The following KAZN variants were observed in gnomAD, a reference collection of about 807,000 sequenced individuals.
KAZN encodes kazrin, periplakin interacting protein.
A neutral mutation model predicts 87.4 loss-of-function variants in KAZN; 40 were observed. The observed-to-expected ratio is 0.46, with a 90% confidence interval of 0.36 to 0.60. The LOEUF (loss-of-function observed/expected upper bound fraction) is 0.60. Ranked by LOEUF, KAZN falls within the 20% of genes least tolerant of loss-of-function variation. KAZN has a pLI of 0.00. For synonymous variants in KAZN, 466 were observed against 458.3 expected (o/e 1.02, Z -0.22); for missense variants, 898 against 1,073.9 (o/e 0.84, Z 2.29).
At chr1:13,967,316 A>C (rs1641981291) in intron 1 of KAZN, among the ~76,000 whole-genome samples, 1 of 152,184 alleles carries the variant, frequency 6.6e-6, no homozygotes, top group Non-Finnish European at 1.5e-5. Flanking sequence ...CCTACCCTGC[A>C]AGGAATGCAA....
chr1:14,114,871 T>C (rs1382946749), intron 1 of KAZN, among the ~76,000 whole-genome samples: 1 of 152,212 alleles, frequency 6.6e-6, no homozygotes, highest in Non-Finnish European at 1.5e-5. Flanking sequence ...CATTTATAAA[T>C]GACACAACTA....
chr1:14,142,565 A>G (rs1469888444), intron 1 of KAZN, among the ~76,000 whole-genome samples: 1 of 152,232 alleles, frequency 6.6e-6, no homozygotes, highest in Non-Finnish European at 1.5e-5. Flanking sequence ...AGATTTGTAC[A>G]TTCCTCGTAT....
intron 8 of KAZN, 41 bp downstream of exon 8, chr1:15,065,794 G>A (rs1200054255): frequency 3.1e-6 from 5 of 1,607,046 alleles, no homozygotes; most frequent in Non-Finnish European, 4.3e-6. Context: ...ACGCGGACTG[G>A]TGATACGCGC....
At chr1:14,123,171 A>G (rs916548375) in intron 1 of KAZN, among the ~76,000 whole-genome samples, 1 of 152,090 alleles carries the variant, frequency 6.6e-6, no homozygotes, top group African/African-American at 2.4e-5. Context: ...TTGTGTTTCC[A>G]TTGCCATTTT....
intron 2 of KAZN, among the ~76,000 whole-genome samples, chr1:14,436,904 A>C (rs1273757643): frequency 6.6e-6 from 1 of 152,090 alleles, no homozygotes; most frequent in African/African-American, 2.4e-5. Flanking sequence ...TCTTCTCAAG[A>C]TACTTTGCAT....
intron 2 of KAZN, among the ~76,000 whole-genome samples, chr1:14,338,009 A>C (rs1657397756): frequency 6.6e-6 from 1 of 152,052 alleles, no homozygotes; most frequent in African/African-American, 2.4e-5. Context: ...TTGCTCATAG[A>C]AGGTAATTTT....
chr1:14,062,998 G>A (rs1453763344), intron 1 of KAZN, among the ~76,000 whole-genome samples: 1 of 152,158 alleles, frequency 6.6e-6, no homozygotes, highest in Non-Finnish European at 1.5e-5. Flanking sequence ...AACATGTTTT[G>A]TTAAGCAAAT....
intron 1 of KAZN, among the ~76,000 whole-genome samples, chr1:14,804,629 T>C: frequency 6.6e-6 from 1 of 152,192 alleles, no homozygotes; most frequent in East Asian, 1.9e-4. Context: ...TACCCAATCC[T>C]CAGCTTTGCA....
rs35290614 is a variant in KAZN, at chr1:14,197,387, T to TAAA, written c.249+16812_249+16814dup. Among the ~76,000 whole-genome samples the TAAA allele has an allele frequency of 3.9e-3, 399 of 102,262 alleles. 4 individuals are homozygous for TAAA. The highest frequency in any genetic ancestry group is 0.013 in the African/African-American group (364 of 28,626). The allele number at this position is 102,262 out of a possible 152,430, so 67.1% of individuals were successfully genotyped here. On this transcript the variant is annotated intron_variant, in intron 2 of 16. Transcript: ENST00000636203. ...TTTAAATTAAAAAAAAAGTAAATGT[T>TAAA]AAAAAAAAAAAAAAAAAAAGGCCAG...
chr1:14,631,657 G>A (rs1216313967), intron 1 of KAZN, among the ~76,000 whole-genome samples: 1 of 152,262 alleles, frequency 6.6e-6, no homozygotes, highest in Non-Finnish European at 1.5e-5. Flanking sequence ...GCACGTTGCA[G>A]CTTCTCGCAT....
At chr1:14,138,697 A>G (rs184161903) in intron 1 of KAZN, among the ~76,000 whole-genome samples, 8 of 152,282 alleles carry the variant, frequency 5.3e-5, no homozygotes, top group Admixed American at 5.2e-4. Flanking sequence ...TAGCTCCCCC[A>G]TCGCACCATC....
At chr1:14,690,296 AC>A (rs2148782481) in intron 1 of KAZN, among the ~76,000 whole-genome samples, 1 of 152,340 alleles carries the variant, frequency 6.6e-6, no homozygotes, top group South Asian at 2.1e-4. Context: ...ATCCCACATA[AC>A]AGTGAACCTG....
chr1:14,964,768 C>G (rs540108195), intron 2 of KAZN, among the ~76,000 whole-genome samples: 1 of 152,214 alleles, frequency 6.6e-6, no homozygotes, highest in Non-Finnish European at 1.5e-5. Flanking sequence ...CTCCAACTAA[C>G]TGCCCCACCG....
chr1:14,910,119 A>G (rs1657089166), intron 1 of KAZN, among the ~76,000 whole-genome samples: 1 of 151,302 alleles, frequency 6.6e-6, no homozygotes, highest in South Asian at 2.1e-4. Context: ...ATTACAACCA[A>G]TTAGCCCCTG....
chr1:14,985,531 AAAAT>A (rs1000029872), intron 2 of KAZN, among the ~76,000 whole-genome samples: 4 of 151,970 alleles, frequency 2.6e-5, no homozygotes, highest in East Asian at 1.9e-4. Context: ...CCCTGCCTCA[AAAAT>A]AAATAAATAA....
At chr1:14,748,920 C>T (rs1339419280) in intron 1 of KAZN, among the ~76,000 whole-genome samples, 1 of 152,088 alleles carries the variant, frequency 6.6e-6, no homozygotes, top group Non-Finnish European at 1.5e-5. Flanking sequence ...AAGTGAGCCA[C>T]GAATTTGAGA....
chr1:15,029,893 C>G (rs111233318), intron 2 of KAZN, among the ~76,000 whole-genome samples: 2,091 of 152,280 alleles, frequency 0.014, 38 homozygotes, highest in South Asian at 0.063. Context: ...CAGGAGGGCC[C>G]AGTGAGGCTC....
chr1:14,572,312 G>T (rs535644329), intron 2 of KAZN, among the ~76,000 whole-genome samples: 1 of 152,292 alleles, frequency 6.6e-6, no homozygotes, highest in African/African-American at 2.4e-5. Context: ...GTGTGTTCAC[G>T]TGGCCAGCAT....
At chr1:15,053,167 A>C (rs1674593980) in intron 4 of KAZN, among the ~76,000 whole-genome samples, 1 of 152,186 alleles carries the variant, frequency 6.6e-6, no homozygotes, top group Non-Finnish European at 1.5e-5. Context: ...GGTGGAAGCA[A>C]GGGAGTGGGG....
Sources: gnomAD v4.1 joint callset for allele counts (sites outside exome capture counted in the v4.1 genomes callset) on GRCh38, gnomAD v4.1.1 for gene constraint, MANE v1.5 for transcripts, NCBI Gene and HGNC (gene_info 2026-07-23, HGNC 2026-07-21) for gene names.